The following GRIK2 variants were observed in gnomAD, a reference collection of about 807,000 sequenced individuals.
GRIK2 encodes the protein glutamate receptor ionotropic, kainate 2.
GRIK2 carries 32 observed loss-of-function variants against 100.3 expected under a neutral mutation model. That is an observed-to-expected ratio of 0.32 (90% CI 0.24 to 0.43). The LOEUF is 0.43. Among genes scored for constraint, GRIK2 ranks in the 20% least tolerant of loss-of-function variants. GRIK2 has a pLI of 1.00. For missense variants in GRIK2, 843 were observed against 1,114.9 expected (o/e 0.76, Z 3.47); for synonymous variants, 417 against 389.4 (o/e 1.07, Z -0.83).
At position 101,958,284 on chromosome 6, in the gene GRIK2, G is replaced by GTGTGTGTGTGT. The variant is rs758541113; in HGVS notation, c.2085+29652_2085+29653insTGTGTGTGTGT. Among the ~76,000 whole-genome samples, 125 of 18,890 alleles carry GTGTGTGTGTGT rather than the reference G, an allele frequency of 6.6e-3. No homozygotes were observed. The Middle Eastern group carries it at 0.079, about 12-fold the overall frequency. 12.4% of individuals were successfully genotyped at this position (18,890 alleles called of 152,430 possible). On this transcript the variant is annotated intron_variant, in intron 14 of 16. Transcript: ENST00000369134. The stretch of plus-strand genomic sequence containing the variant: ...GTGTGTGTGTGTGTGTGTGTGTGTG[G>GTGTGTGTGTGT]GTCCATTGCAAGTGAGACTGCATTC...
intron 2 of GRIK2, among the ~76,000 whole-genome samples, chr6:101,603,581 T>G (rs1408734123): frequency 6.6e-6 from 1 of 151,736 alleles, no homozygotes; most frequent in Non-Finnish European, 1.5e-5. Context: ...ATTTAACATG[T>G]TTTTGCTTCT....
At chr6:101,610,421 C>G (rs911027987) in intron 2 of GRIK2, among the ~76,000 whole-genome samples, 1 of 151,746 alleles carries the variant, frequency 6.6e-6, no homozygotes, top group African/African-American at 2.4e-5. Flanking sequence ...CTCATGATAT[C>G]TAAATCATCT....
chr6:102,067,529 A>G (rs1420546069), intron 16 of GRIK2, among the ~76,000 whole-genome samples: 2 of 151,786 alleles, frequency 1.3e-5, no homozygotes. Flanking sequence ...TGTTTCATAT[A>G]TATGACTCTA....
At chr6:102,063,827 C>T in intron 16 of GRIK2, 1 of 500,866 alleles carries the variant, frequency 2.0e-6, no homozygotes, top group Non-Finnish European at 3.6e-6. Flanking sequence ...ATTTCCAGAT[C>T]TACATTGTTT....
intron 14 of GRIK2, among the ~76,000 whole-genome samples, chr6:101,943,566 G>A (rs1365204490): frequency 6.6e-6 from 1 of 152,306 alleles, no homozygotes; most frequent in East Asian, 1.9e-4. Flanking sequence ...CCAGGCCTTG[G>A]GAGCCCACCT....
At chr6:101,954,975 T>C (rs2128480383) in intron 14 of GRIK2, among the ~76,000 whole-genome samples, 1 of 152,258 alleles carries the variant, frequency 6.6e-6, no homozygotes, top group East Asian at 1.9e-4. Context: ...ATTTTTCCTT[T>C]ATTTTACTGA....
intron 14 of GRIK2, among the ~76,000 whole-genome samples, chr6:101,937,766 C>A (rs117805782): frequency 3.3e-5 from 5 of 150,270 alleles, no homozygotes; most frequent in Non-Finnish European, 7.4e-5. Flanking sequence ...ATCTATTGAT[C>A]GTTTTGGGGG....
At chr6:101,678,600 T>A (rs1441717399) in intron 5 of GRIK2, among the ~76,000 whole-genome samples, 2 of 152,138 alleles carry the variant, frequency 1.3e-5, no homozygotes, top group Non-Finnish European at 2.9e-5. Context: ...AAGAAGAAAG[T>A]GAATAGCTTC....
chr6:101,972,590 C>CTTTTTTTTTTTTTTTTTT (rs1209919404), intron 14 of GRIK2, among the ~76,000 whole-genome samples: 1 of 150,700 alleles, frequency 6.6e-6, no homozygotes, highest in African/African-American at 2.4e-5. Flanking sequence ...TTTGGTCCTA[C>CTTTTTTTTTTTTTTTTTT]TTTTATTGCA....
At chr6:101,775,861 C>A (rs1778716240) in intron 7 of GRIK2, among the ~76,000 whole-genome samples, 1 of 151,364 alleles carries the variant, frequency 6.6e-6, no homozygotes. Context: ...TCTTACTTTG[C>A]CACCCAGGCT....
At chr6:101,676,133 A>T (rs78473852) in intron 4 of GRIK2, among the ~76,000 whole-genome samples, 6,879 of 152,246 alleles carry the variant, frequency 0.045, 206 homozygotes, top group East Asian at 0.085. Flanking sequence ...ATACAAACAA[A>T]GCTATGTGTG....
chr6:102,028,646 CATT>C (rs777345499), intron 14 of GRIK2, among the ~76,000 whole-genome samples: 7 of 149,892 alleles, frequency 4.7e-5, no homozygotes, highest in Non-Finnish European at 7.5e-5. Flanking sequence ...ATCTCTGAGA[CATT>C]ATTTAATTGA....
intron 9 of GRIK2, among the ~76,000 whole-genome samples, chr6:101,816,238 A>G (rs981781836): frequency 2.1e-4 from 30 of 140,850 alleles, no homozygotes; most frequent in African/African-American, 7.8e-4. Context: ...TTGCCAATTT[A>G]TATTAAAAAA....
chr6:101,583,500 T>C (rs1161177669), intron 2 of GRIK2, among the ~76,000 whole-genome samples: 4 of 152,154 alleles, frequency 2.6e-5, no homozygotes, highest in Non-Finnish European at 5.9e-5. Context: ...GAACTGCTGA[T>C]GCTTGCAATT....
chr6:101,682,548 CT>C lies in GRIK2; in HGVS notation c.724-3del. On this transcript the variant is annotated splice_region_variant and splice_polypyrimidine_tract_variant and intron_variant, in intron 5 of 16. Coordinates refer to ENST00000369134, the MANE Select transcript of GRIK2 (RefSeq NM_021956.5). ...GTACCTTCAGTAATTTTTTTTTTTC[CT>C]TAGGCATTAGCTATGGGAATGATGA... 2 of 1,250,522 alleles carry C rather than the reference CT, an allele frequency of 1.6e-6. No homozygotes were observed. The highest frequency in any genetic ancestry group is 2.3e-6 in the Non-Finnish European group (2 of 863,102). 77.5% of individuals were successfully genotyped at this position (1,250,522 alleles called of 1,614,324 possible). A position where few individuals can be genotyped will look rare whatever the true frequency, so the allele number is the denominator to read the frequency against.
chr6:101,759,182 GA>G (rs1177436955), intron 7 of GRIK2, among the ~76,000 whole-genome samples: 10 of 152,172 alleles, frequency 6.6e-5, no homozygotes, highest in Admixed American at 6.5e-4. Context: ...CCTAAAATGG[GA>G]AATATTTTAA....
chr6:101,981,813 TA>T (rs143911241), intron 14 of GRIK2, among the ~76,000 whole-genome samples: 7 of 150,290 alleles, frequency 4.7e-5, no homozygotes, highest in East Asian at 2.0e-4. Flanking sequence ...AAAGTGGAGG[TA>T]AAAAAAAAGT....
At chr6:101,397,178 C>A (rs1775041919) in intron 1 of GRIK2, among the ~76,000 whole-genome samples, 1 of 152,042 alleles carries the variant, frequency 6.6e-6, no homozygotes, top group African/African-American at 2.4e-5. Flanking sequence ...TTTGATTAGT[C>A]ACAATAAAAC....
At chr6:101,934,593 A>G (rs1191914581) in intron 14 of GRIK2, among the ~76,000 whole-genome samples, 1 of 151,930 alleles carries the variant, frequency 6.6e-6, no homozygotes, top group Non-Finnish European at 1.5e-5. Context: ...ATTGAGAGAT[A>G]AAATGTAAAA....
Sources: allele counts gnomAD v4.1 joint callset (sites outside exome capture counted in the v4.1 genomes callset), GRCh38; gene constraint gnomAD v4.1.1; transcripts MANE v1.5; gene names NCBI Gene and HGNC (gene_info 2026-07-23, HGNC 2026-07-21).